CCDC178: variants seen among roughly 807,000 people sequenced by gnomAD.
The protein encoded by CCDC178 is coiled-coil domain containing 178, also known as coiled-coil domain-containing protein 178.
Under a neutral mutation model 117.4 loss-of-function variants are expected in CCDC178, and 126 were observed. That is an observed-to-expected ratio of 1.07 (90% CI 0.93 to 1.24). CCDC178 has a LOEUF of 1.24. CCDC178 is among the 50% of genes most tolerant of loss of function. The pLI, the probability that CCDC178 is intolerant of heterozygous loss-of-function variation, is 0.00. For missense variants in CCDC178, 1,030 were observed against 986.9 expected, an observed-to-expected ratio of 1.04 and a Z score of -0.59; for synonymous variants, 283 against 313.4, an observed-to-expected ratio of 0.90 and a Z score of 1.02.
At chr18:33,140,836 T>C (rs941828257) in intron 20 of CCDC178, among the ~76,000 whole-genome samples, 5 of 152,184 alleles carry the variant, frequency 3.3e-5, no homozygotes, top group African/African-American at 1.2e-4. Context: ...TGGAATGATA[T>C]GGTTTTGCTG....
chr18:33,038,610 C>T (rs945021244), intron 21 of CCDC178, among the ~76,000 whole-genome samples: 4 of 151,878 alleles, frequency 2.6e-5, no homozygotes. Context: ...GTAGTGAAGA[C>T]TTGAAGAATC....
chr18:32,982,126 C>A (rs1271107173), intron 21 of CCDC178, among the ~76,000 whole-genome samples: 1 of 151,936 alleles, frequency 6.6e-6, no homozygotes. Context: ...CCATTGAAAA[C>A]ACACTTTGGA....
chr18:33,214,847 T>TA (rs1454949543), intron 19 of CCDC178, among the ~76,000 whole-genome samples: 3 of 152,014 alleles, frequency 2.0e-5, no homozygotes, highest in Non-Finnish European at 4.4e-5. Flanking sequence ...GCATTATGAT[T>TA]TTGCTAATGC....
At chr18:33,098,588 C>T (rs902974845) in intron 20 of CCDC178, among the ~76,000 whole-genome samples, 1 of 152,016 alleles carries the variant, frequency 6.6e-6, no homozygotes, top group Non-Finnish European at 1.5e-5. Flanking sequence ...GCTACCACAT[C>T]CATATTCTTG....
intron 2 of CCDC178, among the ~76,000 whole-genome samples, chr18:33,412,934 A>G (rs1023414577): frequency 2.6e-5 from 4 of 152,110 alleles, no homozygotes; most frequent in Non-Finnish European, 5.9e-5. Context: ...ACCTAAGTAA[A>G]TATCAAATAT....
intron 21 of CCDC178, among the ~76,000 whole-genome samples, chr18:33,055,303 G>GA (rs1249499780): frequency 6.6e-6 from 1 of 151,644 alleles, no homozygotes; most frequent in East Asian, 1.9e-4. Context: ...TTTTTCATGT[G>GA]AAAAAAAATC....
chr18:33,311,084 C>A (rs2062335393), intron 11 of CCDC178, among the ~76,000 whole-genome samples: 1 of 152,180 alleles, frequency 6.6e-6, no homozygotes, highest in African/African-American at 2.4e-5. Context: ...TTCAAAACCT[C>A]ATTTGAAGTA....
At chr18:33,204,251 C>A (rs2059023755) in intron 20 of CCDC178, among the ~76,000 whole-genome samples, 1 of 151,636 alleles carries the variant, frequency 6.6e-6, no homozygotes, top group Admixed American at 6.6e-5. Flanking sequence ...TTTATTTGAG[C>A]AAAATGAAAA....
At chr18:33,388,806 C>A (rs1184217784) in intron 5 of CCDC178, among the ~76,000 whole-genome samples, 1 of 151,934 alleles carries the variant, frequency 6.6e-6, no homozygotes. Flanking sequence ...TATTATACAG[C>A]CATAAAAAGG....
At chr18:32,954,117 T>C (rs2054546095) in intron 22 of CCDC178, 1 of 152,194 alleles carries the variant, frequency 6.6e-6, no homozygotes, top group African/African-American at 2.4e-5. Flanking sequence ...TCTTCAAGTG[T>C]GAATAAATGA....
chr18:33,318,583 A>G (rs1431863839), intron 11 of CCDC178, among the ~76,000 whole-genome samples: 1 of 152,356 alleles, frequency 6.6e-6, no homozygotes, highest in East Asian at 1.9e-4. Context: ...AGCACAAGAC[A>G]TAGAAAATGG....
At chr18:33,272,757 G>T (rs568706951) in intron 12 of CCDC178, among the ~76,000 whole-genome samples, 1 of 151,568 alleles carries the variant, frequency 6.6e-6, no homozygotes, top group South Asian at 2.1e-4. Context: ...ATCAGTAAAT[G>T]TAATAAACAC....
intron 14 of CCDC178, among the ~76,000 whole-genome samples, chr18:33,256,491 C>T (rs2059681992): frequency 6.6e-6 from 1 of 152,024 alleles, no homozygotes; most frequent in African/African-American, 2.4e-5. Flanking sequence ...TGACAAAAAG[C>T]ATGCCAGGCC....
intron 15 of CCDC178, among the ~76,000 whole-genome samples, chr18:33,230,754 G>C (rs2059359808): frequency 6.6e-6 from 1 of 152,120 alleles, no homozygotes; most frequent in Non-Finnish European, 1.5e-5. Context: ...GGAGAGATGG[G>C]ACAGGTGGTA....
intron 2 of CCDC178, among the ~76,000 whole-genome samples, chr18:33,435,198 A>T (rs886375279): frequency 1.3e-5 from 2 of 152,134 alleles, no homozygotes; most frequent in Non-Finnish European, 2.9e-5. Context: ...ATTTTGGGGC[A>T]TATTTTCTTA....
chr18:33,256,136 A>T (rs1254627228), intron 14 of CCDC178, among the ~76,000 whole-genome samples: 2 of 152,084 alleles, frequency 1.3e-5, no homozygotes, highest in Admixed American at 1.3e-4. Context: ...AAATATTTCT[A>T]ATAATCTAGC....
At chr18:32,976,072 G>T (rs985556664) in intron 21 of CCDC178, among the ~76,000 whole-genome samples, 5 of 152,062 alleles carry the variant, frequency 3.3e-5, no homozygotes, top group Admixed American at 2.6e-4. Flanking sequence ...TGATTAGGAA[G>T]AAGAAAAGAC....
At chr18:32,976,990 G>A (rs1488864885) in intron 21 of CCDC178, among the ~76,000 whole-genome samples, 1 of 152,018 alleles carries the variant, frequency 6.6e-6, no homozygotes, top group Non-Finnish European at 1.5e-5. Flanking sequence ...GTCTGTTGTG[G>A]GTGGAGGCTC....
At chr18:33,427,085 A>G (rs987789614) in intron 2 of CCDC178, among the ~76,000 whole-genome samples, 1 of 152,200 alleles carries the variant, frequency 6.6e-6, no homozygotes, top group African/African-American at 2.4e-5. Flanking sequence ...GATTCTAGGG[A>G]AAATATTCCA....
Sources: gnomAD v4.1 joint callset for allele counts (sites outside exome capture counted in the v4.1 genomes callset) on GRCh38, gnomAD v4.1.1 for gene constraint, MANE v1.5 for transcripts, NCBI Gene and HGNC (gene_info 2026-07-23, HGNC 2026-07-21) for gene names.